The following NIBAN3 variants were observed in gnomAD, a reference collection of about 807,000 sequenced individuals.
NIBAN3 encodes the protein protein Niban 3.
Under a neutral mutation model 76.4 loss-of-function variants are expected in NIBAN3, and 66 were observed. The ratio of observed to expected loss-of-function variants is 0.86; its 90% CI spans 0.71 to 1.06. The LOEUF is 1.06. Ranked by LOEUF, NIBAN3 falls within the 50% of genes least tolerant of loss-of-function variation. The pLI, the probability that NIBAN3 is intolerant of heterozygous loss-of-function variation, is 0.00. For missense variants in NIBAN3, 808 were observed against 810.7 expected, an observed-to-expected ratio of 1.00 and a Z score of 0.04; for synonymous variants, 360 against 355.2, an observed-to-expected ratio of 1.01 and a Z score of -0.15.
chr19:17,525,333 C>T (rs980992001), upstream of NIBAN3, among the ~76,000 whole-genome samples: 467 of 135,712 alleles, frequency 3.4e-3, 3 homozygotes, highest in African/African-American at 0.013. Context: ...CTCCGTCCCT[C>T]CCTTCATTCA....
At chr19:17,534,527 C>T (rs1332973717) in intron 4 of NIBAN3, among the ~76,000 whole-genome samples, 1 of 152,084 alleles carries the variant, frequency 6.6e-6, no homozygotes, top group East Asian at 1.9e-4. Context: ...CGTGGTGGCT[C>T]ACGCCTGTAA....
chr19:17,548,361 A>G (rs541977437), intron 13 of NIBAN3, among the ~76,000 whole-genome samples: 11 of 152,236 alleles, frequency 7.2e-5, no homozygotes, highest in Non-Finnish European at 1.6e-4. Context: ...AGGGTGTGTG[A>G]GCAGAGGTCA....
intron 4 of NIBAN3, among the ~76,000 whole-genome samples, chr19:17,536,122 G>C (rs777411021): frequency 1.3e-5 from 2 of 152,114 alleles, no homozygotes; most frequent in Non-Finnish European, 2.9e-5. Context: ...TCTGGGGGCT[G>C]AGGCTGGAAG....
rs770151137 is a variant in NIBAN3, at chr19:17,542,204, G to A, written c.1239G>A (p.Arg413=). The change falls in exon 10 of 15, where the codon CGG becomes CGA. Residue 413 remains arginine (R), a synonymous_variant. Transcript: ENST00000599164. The surrounding 1 kb of genome is among the most constrained non-coding windows in gnomAD (Gnocchi z 4.8). ...AGACATGCTACCGTGAGGCCGAGCG[G>A]AGCCGGGGGCGCTTGGGGCAGCTGG... ...LMQTCYREAE[R]SRGRLGQLAA... The A allele has an allele frequency of 5.5e-5, 89 of 1,614,052 alleles. No homozygotes were observed. Among genetic ancestry groups the A allele is most frequent in the Admixed American group, 5.2e-4 (31 of 59,994 alleles).
chr19:17,548,113 T>A (rs1408894802), intron 13 of NIBAN3, among the ~76,000 whole-genome samples: 5 of 152,142 alleles, frequency 3.3e-5, no homozygotes, highest in African/African-American at 4.8e-5. Context: ...TCCAGAAACA[T>A]CTTTCTCCCT....
chr19:17,533,419 A>G (rs2075766588), intron 3 of NIBAN3, 168 bp from the exon 4 acceptor site: 1 of 388,778 alleles, frequency 2.6e-6, no homozygotes, highest in Non-Finnish European at 4.7e-6. Flanking sequence ...CAAAAACAAA[A>G]AAAAAAAAAA....
Position 17,533,647 on chromosome 19 carries a change from A to T in NIBAN3, c.373A>T (p.Thr125Ser), listed in dbSNP as rs755015013. Residue 125 changes from threonine to serine, a missense_variant, in exon 4 of 15, where the codon ACT becomes TCT. By Grantham distance (58) the Thr-to-Ser change is moderately conservative (BLOSUM62 1). Coordinates refer to ENST00000599164, the MANE Select transcript of NIBAN3 (RefSeq NM_001321827.2). ...STALTGYTLL[T>S]SQREYLRLLD... ...AGCCCTGACAGGATACACGCTCCTGACTTCCCAGCGAGAATATCTCCGCCT... is the reference window on the plus strand; with the variant it reads ...AGCCCTGACAGGATACACGCTCCTGTCTTCCCAGCGAGAATATCTCCGCCT... The T allele has an allele frequency of 5.0e-6, 8 of 1,614,052 alleles. No individual in the cohort carries two copies. The South Asian group carries it at 8.8e-5, about 18-fold the overall frequency.
At chr19:17,541,230 TATACATAC>T (rs56986888) in intron 9 of NIBAN3, among the ~76,000 whole-genome samples, 82,220 of 149,694 alleles carry the variant, frequency 0.55, 23,152 homozygotes, top group Non-Finnish European at 0.6. Context: ...TACATACATA[TATACATAC>T]ATACATACAT....
At chr19:17,529,110 C>T (rs2144669210) in intron 1 of NIBAN3, among the ~76,000 whole-genome samples, 1 of 152,328 alleles carries the variant, frequency 6.6e-6, no homozygotes, top group African/African-American at 2.4e-5. Context: ...GTCATTCCCT[C>T]ATTTGCTGTG....
At chr19:17,540,367 C>A in intron 8 of NIBAN3, 25 bp from the exon 9 acceptor site, 1 of 1,441,312 alleles carries the variant, frequency 6.9e-7, no homozygotes, top group Admixed American at 2.6e-5. Flanking sequence ...GGAGGGGACT[C>A]CAGACCAGTG....
Position 17,553,589 on chromosome 19 carries a change from TC to T in NIBAN3, c.*1694del, listed in dbSNP as rs1222284660. ...GATATTCCTGACCTTTCCACCTATT[TC>T]CCTCCAACCCCACCTTCCGAAATAC... On this transcript the variant is annotated 3_prime_UTR_variant, in exon 15 of 15. Transcript: ENST00000599164. 7 of 1,591,846 alleles carry T rather than the reference TC, an allele frequency of 4.4e-6. No individual in the cohort carries two copies. Among genetic ancestry groups the T allele is most frequent in the Non-Finnish European group, 6.0e-6 (7 of 1,160,264 alleles).
At position 17,553,196 on chromosome 19, in the gene NIBAN3, C is replaced by T; in HGVS notation, c.*1298C>T. On this transcript the variant is annotated 3_prime_UTR_variant, in exon 15 of 15. Transcript: ENST00000599164. ...ACTTTTCAGGAGTGTTTGCATTTTT[C>T]TTATTGATATCTAATAACTCTTTAT... 8 of 1,428,472 alleles carry T rather than the reference C, an allele frequency of 5.6e-6. No homozygotes were observed. Among genetic ancestry groups the T allele is most frequent in the South Asian group, 3.2e-5 (2 of 63,304 alleles). 88.5% of individuals were successfully genotyped at this position (1,428,472 alleles called of 1,614,324 possible).
chr19:17,553,001 G>C lies in NIBAN3; in HGVS notation c.*1103G>C, dbSNP rs1490284394. 1 of 161,876 alleles carries C rather than the reference G, an allele frequency of 6.2e-6. No individual in the cohort carries two copies. Among genetic ancestry groups the C allele is most frequent in the African/African-American group, 2.4e-5 (1 of 41,736 alleles). 10.0% of individuals were successfully genotyped at this position (161,876 alleles called of 1,614,324 possible). A position where few individuals can be genotyped will look rare whatever the true frequency, so the allele number is the denominator to read the frequency against. On this transcript the variant is annotated 3_prime_UTR_variant, in exon 15 of 15. Transcript: ENST00000599164. The stretch of plus-strand genomic sequence containing the variant: ...GAGATGGGAGATTTACCTGAGCCTG[G>C]GAACTCAAGGCTGCAGTGAGTGGTG...
chr19:17,533,725 A>G lies in NIBAN3; in HGVS notation c.427+24A>G, dbSNP rs754327565. ...GGGTAAGGGTCCCGGGGTTCCCAGG[A>G]ACAGGTTTCTCCACCCCAGCATCAT... On this transcript the variant is annotated intron_variant, in intron 4 of 14. Coordinates refer to ENST00000599164, the MANE Select transcript of NIBAN3 (RefSeq NM_001321827.2). 3 of 1,562,634 alleles carry G rather than the reference A, an allele frequency of 1.9e-6. No homozygotes were observed. In the Admixed American group the frequency reaches 5.0e-5, roughly 26 times the overall value.
Position 17,540,559 on chromosome 19 carries a change from T to C in NIBAN3, c.1147T>C (p.Ser383Pro). The C allele has an allele frequency of 6.5e-7, 1 of 1,545,710 alleles. No individual in the cohort carries two copies. Among genetic ancestry groups the C allele is most frequent in the Non-Finnish European group, 8.7e-7 (1 of 1,144,634 alleles). The part of the protein sequence containing the change: ...RLSHRLRQSP[S>P]GTRLRREVYS... ...GTCCCACCGCCTGCGCCAGAGCCCC[T>C]CAGGCACGCGGCTGCGCAGGGAGGT... The change falls in exon 9 of 15, where the codon TCA (serine) becomes CCA (proline). Residue 383 changes from serine to proline, a missense_variant. Coordinates refer to ENST00000599164, the MANE Select transcript of NIBAN3 (RefSeq NM_001321827.2).
chr19:17,543,237 G>A, intron 10 of NIBAN3, 80 bp from the exon 11 acceptor site: 4 of 900,448 alleles, frequency 4.4e-6, no homozygotes, highest in Non-Finnish European at 6.9e-6. Context: ...TGGATGCTGA[G>A]AAGGGGTCAG....
intron 1 of NIBAN3, 138 bp downstream of exon 1, chr19:17,527,533 T>G: frequency 1.1e-6 from 1 of 912,064 alleles, no homozygotes; most frequent in South Asian, 1.9e-5. Flanking sequence ...CTTCTTAATG[T>G]AAATTTCACG....
intron 14 of NIBAN3, chr19:17,549,807 T>A (rs2076124333): frequency 3.0e-6 from 1 of 328,894 alleles, no homozygotes; most frequent in Non-Finnish European, 5.7e-6. Flanking sequence ...TTGTGTCCCA[T>A]CTCTCTCTCT....
chr19:17,539,153 T>C lies in NIBAN3; in HGVS notation c.599T>C (p.Leu200Pro), dbSNP rs1339857018. ...ACTGAGGAGCAGCCCCTCTCAGTCC[T>C]GCAGCGAAGCCAGGCCCCTGCTGCC... ...QGGIRLQGIV[L>P]QRSQAPAARA... The change falls in exon 6 of 15, where the codon CTG becomes CCG. Residue 200 changes from leucine to proline, a missense_variant. Leu to Pro is a moderately conservative substitution (Grantham distance 98). Transcript: ENST00000599164. 3 of 1,585,968 alleles carry C rather than the reference T, an allele frequency of 1.9e-6. No individual in the cohort carries two copies. The highest frequency in any genetic ancestry group is 2.6e-6 in the Non-Finnish European group (3 of 1,166,948).
Sources: allele counts gnomAD v4.1 joint callset (sites outside exome capture counted in the v4.1 genomes callset), GRCh38; gene constraint gnomAD v4.1.1; non-coding constraint Gnocchi (gnomAD v3.1); transcripts MANE v1.5; gene names NCBI Gene and HGNC (gene_info 2026-07-23, HGNC 2026-07-21).